P4HA3: variants seen among roughly 807,000 people sequenced by gnomAD.
P4HA3 encodes prolyl 4-hydroxylase subunit alpha-3.
P4HA3 carries 60 observed loss-of-function variants against 66.7 expected under a neutral mutation model. That is an observed-to-expected ratio of 0.90 (90% CI 0.73 to 1.12). The LOEUF is 1.12. Among genes scored for constraint, P4HA3 ranks in the 50% most tolerant of loss-of-function variants. The pLI is 0.00. For synonymous variants in P4HA3, 263 were observed against 274.6 expected (o/e 0.96, Z 0.42); for missense variants, 683 against 685.8 (o/e 1.00, Z 0.05).
intron 10 of P4HA3, 137 bp downstream of exon 10, chr11:74,273,408 G>T: frequency 1.6e-6 from 1 of 619,060 alleles, no homozygotes; most frequent in Non-Finnish European, 2.5e-6. Context: ...CAAAAATGCT[G>T]TCTGAAATTC....
Position 74,298,258 on chromosome 11 carries a change from G to T in P4HA3, c.671C>A (p.Ala224Glu). The stretch of plus-strand genomic sequence containing the variant: ...GTGATCCAAGGCATCTTCTAGACTT[G>T]CCTCATCCTCTGTCTTCCACTCTCC... ...SYGEWKTEDE[A>E]SLEDALDHLA... Residue 224 changes from alanine to glutamate, a missense_variant, in exon 4 of 13, where the codon GCA (alanine) becomes GAA (glutamate). By Grantham distance (107) the Ala-to-Glu change is moderately radical. Transcript: ENST00000331597. 1 of 1,614,048 alleles carries T rather than the reference G, an allele frequency of 6.2e-7. No homozygotes were observed. Among genetic ancestry groups the T allele is most frequent in the Non-Finnish European group, 8.5e-7 (1 of 1,179,976 alleles).
chr11:74,281,169 A>G (rs1179401322), intron 7 of P4HA3, among the ~76,000 whole-genome samples: 1 of 152,206 alleles, frequency 6.6e-6, no homozygotes, highest in African/African-American at 2.4e-5. Context: ...CAAAACCACA[A>G]TGAGTTACCA....
At chr11:74,250,891 T>C (rs1859640855) in intron 15 of P4HA3, 3 of 1,409,700 alleles carry the variant, frequency 2.1e-6, no homozygotes, top group Non-Finnish European at 3.0e-6. Flanking sequence ...GAATGACCTA[T>C]GAGGCTGCAT....
intron 15 of P4HA3, among the ~76,000 whole-genome samples, chr11:74,252,237 TTG>T (rs1859707408): frequency 6.7e-6 from 1 of 148,832 alleles, no homozygotes. Flanking sequence ...CCGGCTAATT[TTG>T]TTTTTTTTTT....
chr11:74,295,306 C>T (rs1443085464), intron 4 of P4HA3, among the ~76,000 whole-genome samples: 1 of 152,166 alleles, frequency 6.6e-6, no homozygotes, highest in East Asian at 1.9e-4. Flanking sequence ...AATTAACTCT[C>T]CCTGCAGCCA....
At chr11:74,282,611 G>A (rs7117465) in intron 7 of P4HA3, among the ~76,000 whole-genome samples, 50,819 of 152,000 alleles carry the variant, frequency 0.33, 10,560 homozygotes, top group African/African-American at 0.59. Flanking sequence ...AAGTGACCCA[G>A]TGAAGAGTTT....
rs552285830 is a variant in P4HA3 at position 74,287,271 on chromosome 11, C to T, written c.770-880G>A. On this transcript the variant is annotated intron_variant, in intron 5 of 12. Coordinates refer to ENST00000331597, the MANE Select transcript of P4HA3 (RefSeq NM_182904.5). Reference sequence around the variant, plus strand: ...ATCTTTCTCTGAGGAGCCCAGTGTGCTTCTAACCACAACCATCACCCTGGC... The same window carrying T: ...ATCTTTCTCTGAGGAGCCCAGTGTGTTTCTAACCACAACCATCACCCTGGC... 5.4e-5 allele frequency: 69 copies of T among 1,289,376 alleles called. No individual in the cohort carries two copies. In the African/African-American group the frequency reaches 8.8e-4, roughly 16 times the overall value. 79.9% of individuals were successfully genotyped at this position (1,289,376 alleles called of 1,614,324 possible).
chr11:74,279,137 T>A (rs1359984809), intron 8 of P4HA3, among the ~76,000 whole-genome samples: 1 of 152,172 alleles, frequency 6.6e-6, no homozygotes. Context: ...ATAGACATAT[T>A]TTTTGGTTTA....
intron 15 of P4HA3, among the ~76,000 whole-genome samples, chr11:74,256,293 T>G (rs986760673): frequency 6.6e-6 from 1 of 152,170 alleles, no homozygotes; most frequent in Non-Finnish European, 1.5e-5. Flanking sequence ...CTCTTTACAC[T>G]TGATGGAGGA....
chr11:74,304,128 T>C (rs1357620014), intron 2 of P4HA3, 142 bp downstream of exon 2: 10 of 1,095,114 alleles, frequency 9.1e-6, no homozygotes, highest in Non-Finnish European at 1.3e-5. Flanking sequence ...TAATTCTTTG[T>C]GCTAGCTAGA....
intron 4 of P4HA3, among the ~76,000 whole-genome samples, chr11:74,294,053 G>T (rs1224063089): frequency 1.3e-5 from 2 of 152,128 alleles, no homozygotes; most frequent in Non-Finnish European, 2.9e-5. Context: ...TTCCAACTTG[G>T]TTCCATTCTC....
chr11:74,288,612 T>G (rs1860885037), intron 5 of P4HA3, among the ~76,000 whole-genome samples: 1 of 152,118 alleles, frequency 6.6e-6, no homozygotes. Context: ...GCATGTAAGA[T>G]TTCACCAAAA....
rs1284107762 is a variant in P4HA3 at position 74,286,281 on chromosome 11, G to C, written c.880C>G (p.His294Asp). 3 of 1,612,910 alleles carry C rather than the reference G, an allele frequency of 1.9e-6. No homozygotes were observed. The highest frequency in any genetic ancestry group is 2.5e-6 in the Non-Finnish European group (3 of 1,179,624). ...EAVIQRPNIP[H>D]LQTRDTYEGL... ...TCGTAGGTGTCTCTGGTCTGCAGGT[G>C]GGGTATATTGGGCCTCTGGATGACA... The change falls in exon 6 of 13, where the codon CAC (histidine) becomes GAC (aspartate). Residue 294 changes from histidine to aspartate, a missense_variant. Coordinates refer to ENST00000331597, the MANE Select transcript of P4HA3 (RefSeq NM_182904.5).
intron 11 of P4HA3, among the ~76,000 whole-genome samples, 165 bp downstream of exon 11, chr11:74,269,487 G>A (rs527530062): frequency 3.6e-4 from 55 of 152,298 alleles, no homozygotes; most frequent in Admixed American, 1.8e-3. Context: ...GCATGTGTGC[G>A]GTAGTAAAGA....
chr11:74,287,354 A>G, intron 5 of P4HA3: 1 of 1,274,248 alleles, frequency 7.8e-7, no homozygotes, highest in Non-Finnish European at 1.0e-6. Context: ...GAAGAAGTGA[A>G]GTTTTGGAGA....
chr11:74,280,624 G>GGTCC (rs1227528221), intron 7 of P4HA3, among the ~76,000 whole-genome samples: 1 of 152,058 alleles, frequency 6.6e-6, no homozygotes, highest in Non-Finnish European at 1.5e-5. Context: ...GTATCCCCAG[G>GGTCC]GTCCATTCAA....
In P4HA3 at chr11:74,300,440, G is replaced by A. The variant is rs182796119; in HGVS notation, c.567+1929C>T. 2.3e-4 allele frequency among the ~76,000 whole-genome samples: 35 copies of A among 152,074 alleles called. 2 individuals are homozygous for A. The highest frequency in any genetic ancestry group is 1.2e-3 in the Admixed American group (18 of 15,278). ...GAGGCCAGGAGTTCAAGACCATCCC[G>A]GGCAACACAGTGAGACCCTTATTAA... On this transcript the variant is annotated intron_variant, in intron 3 of 12. Coordinates refer to ENST00000331597, the MANE Select transcript of P4HA3 (RefSeq NM_182904.5).
chr11:74,289,674 C>G (rs1267494286), intron 4 of P4HA3, among the ~76,000 whole-genome samples: 1 of 149,116 alleles, frequency 6.7e-6, no homozygotes, highest in African/African-American at 2.5e-5. Flanking sequence ...CAATTCCCAC[C>G]TATGAGTGAG....
intron 5 of P4HA3, among the ~76,000 whole-genome samples, chr11:74,286,855 C>T (rs954398494): frequency 6.6e-6 from 1 of 152,210 alleles, no homozygotes. Flanking sequence ...ATTAAATTAT[C>T]ACTTACAACA....
Sources: allele counts gnomAD v4.1 joint callset (sites outside exome capture counted in the v4.1 genomes callset), GRCh38; gene constraint gnomAD v4.1.1; transcripts MANE v1.5; gene names NCBI Gene and HGNC (gene_info 2026-07-23, HGNC 2026-07-21).